CNTNAP2: variants seen among roughly 807,000 people sequenced by gnomAD.
The protein encoded by CNTNAP2 is contactin-associated protein-like 2.
CNTNAP2 carries 98 observed loss-of-function variants against 155.2 expected under a neutral mutation model. The ratio of observed to expected loss-of-function variants is 0.63; its 90% CI spans 0.54 to 0.75. CNTNAP2 has a LOEUF of 0.75. CNTNAP2 is among the 30% of genes least tolerant of loss of function. The probability of loss-of-function intolerance (pLI) is 0.00; values close to 1 mark genes in which losing one functional copy is unlikely to be tolerated. For synonymous variants in CNTNAP2, 651 were observed against 631.2 expected (o/e 1.03, Z -0.47); for missense variants, 1,727 against 1,688.1 (o/e 1.02, Z -0.40).
At chr7:146,373,353 A>G (rs1295342522) in intron 1 of CNTNAP2, among the ~76,000 whole-genome samples, 1 of 152,062 alleles carries the variant, frequency 6.6e-6, no homozygotes, top group Non-Finnish European at 1.5e-5. Flanking sequence ...ACCTTCAGAC[A>G]TATAAGGAGA....
intron 10 of CNTNAP2, among the ~76,000 whole-genome samples, chr7:147,435,952 TTTTCA>T: frequency 6.6e-6 from 1 of 152,216 alleles, no homozygotes. Flanking sequence ...GTGGTTTTGT[TTTTCA>T]TTTCTTTTAT....
rs571946085 is a variant in CNTNAP2, at chr7:146,817,066, A to G, written c.209-22645A>G. On this transcript the variant is annotated intron_variant, in intron 2 of 23. Coordinates refer to ENST00000361727, the MANE Select transcript of CNTNAP2 (RefSeq NM_014141.6). ...GAAAATAAATGGTTAGAGTTGATGG[A>G]CGACCAGGATAACACAGTGTCTCTG... 2.0e-5 allele frequency among the ~76,000 whole-genome samples: 3 copies of G among 152,332 alleles called. No individual in the cohort carries two copies. In the South Asian group the frequency reaches 6.2e-4, roughly 32 times the overall value.
chr7:147,731,854 C>A (rs1003677436), intron 13 of CNTNAP2, among the ~76,000 whole-genome samples: 1 of 151,954 alleles, frequency 6.6e-6, no homozygotes, highest in African/African-American at 2.4e-5. Flanking sequence ...TGATTCCAAC[C>A]CTTATGGATG....
intron 3 of CNTNAP2, among the ~76,000 whole-genome samples, chr7:146,842,389 T>C (rs751310260): frequency 6.6e-6 from 1 of 152,152 alleles, no homozygotes; most frequent in Non-Finnish European, 1.5e-5. Context: ...GTGTTTCTTA[T>C]TAAAAATCAG....
intron 4 of CNTNAP2, among the ~76,000 whole-genome samples, chr7:147,067,400 C>T (rs1427418643): frequency 6.6e-6 from 1 of 151,568 alleles, no homozygotes; most frequent in Non-Finnish European, 1.5e-5. Context: ...TATTGGGGGT[C>T]AGATTTCAAC....
chr7:146,223,391 A>G (rs1051965580), intron 1 of CNTNAP2, among the ~76,000 whole-genome samples: 1 of 152,242 alleles, frequency 6.6e-6, no homozygotes, highest in African/African-American at 2.4e-5. Flanking sequence ...GGTCAGATGC[A>G]GTAGCTCAAG....
At chr7:147,698,055 C>A (rs1363963332) in intron 13 of CNTNAP2, among the ~76,000 whole-genome samples, 1 of 152,088 alleles carries the variant, frequency 6.6e-6, no homozygotes, top group African/African-American at 2.4e-5. Flanking sequence ...AATGAGTTTT[C>A]TGCTCATGGA....
At chr7:147,166,628 G>T (rs1802119335) in intron 8 of CNTNAP2, among the ~76,000 whole-genome samples, 1 of 152,114 alleles carries the variant, frequency 6.6e-6, no homozygotes, top group South Asian at 2.1e-4. Context: ...ATTTCACCTG[G>T]GTGCAGGCGG....
At chr7:146,696,442 A>T (rs1800784227) in intron 1 of CNTNAP2, among the ~76,000 whole-genome samples, 3 of 152,166 alleles carry the variant, frequency 2.0e-5, no homozygotes, top group Admixed American at 2.0e-4. Context: ...TTAGAGGATT[A>T]ACAATTTTAT....
intron 1 of CNTNAP2, among the ~76,000 whole-genome samples, chr7:146,746,810 T>G (rs1035701624): frequency 6.6e-6 from 1 of 152,186 alleles, no homozygotes; most frequent in African/African-American, 2.4e-5. Context: ...TTCTGATATT[T>G]CAATGATAAA....
intron 1 of CNTNAP2, among the ~76,000 whole-genome samples, chr7:146,753,529 TG>T (rs1397554404): frequency 6.6e-6 from 1 of 152,078 alleles, no homozygotes. Context: ...ACAGAAATAT[TG>T]GAATGATTTG....
At chr7:148,010,699 A>G (rs1802064996) in intron 15 of CNTNAP2, among the ~76,000 whole-genome samples, 1 of 151,536 alleles carries the variant, frequency 6.6e-6, no homozygotes, top group Non-Finnish European at 1.5e-5. Context: ...TTTAGAGTCA[A>G]TTTAGGTTCA....
chr7:146,664,533 ATGT>A (rs1362857711), intron 1 of CNTNAP2, among the ~76,000 whole-genome samples: 4 of 152,080 alleles, frequency 2.6e-5, no homozygotes, highest in Admixed American at 6.6e-5. Context: ...GATACACTAA[ATGT>A]TTTATATATT....
chr7:147,792,102 C>T (rs927965214), intron 13 of CNTNAP2, among the ~76,000 whole-genome samples: 1 of 152,204 alleles, frequency 6.6e-6, no homozygotes, highest in African/African-American at 2.4e-5. Context: ...GCCCCTTCAC[C>T]TGCAGCCTTG....
intron 17 of CNTNAP2, among the ~76,000 whole-genome samples, chr7:148,165,493 C>CCA (rs1401895155): frequency 1.2e-4 from 18 of 152,302 alleles, no homozygotes; most frequent in African/African-American, 4.3e-4. Flanking sequence ...TTTATTCCAA[C>CCA]TATGTGCTTC....
At chr7:148,188,223 A>G (rs1326403351) in intron 18 of CNTNAP2, among the ~76,000 whole-genome samples, 3 of 152,206 alleles carry the variant, frequency 2.0e-5, no homozygotes, top group Non-Finnish European at 4.4e-5. Context: ...CTATTGTTCT[A>G]TTAGGCCATT....
chr7:147,623,109 C>A (rs536339711), intron 12 of CNTNAP2, among the ~76,000 whole-genome samples: 3 of 151,934 alleles, frequency 2.0e-5, no homozygotes, highest in South Asian at 4.1e-4. Context: ...GTAACAAGAT[C>A]GAAGCTATAA....
chr7:146,353,971 T>C (rs1308841268), intron 1 of CNTNAP2, among the ~76,000 whole-genome samples: 2 of 152,172 alleles, frequency 1.3e-5, no homozygotes, highest in Non-Finnish European at 2.9e-5. Flanking sequence ...AAATAGATAA[T>C]ATTTATTAAC....
chr7:146,141,189 C>T (rs1022161885), intron 1 of CNTNAP2, among the ~76,000 whole-genome samples: 1 of 152,142 alleles, frequency 6.6e-6, no homozygotes, highest in African/African-American at 2.4e-5. Context: ...GTCTAAGTGG[C>T]ACAAAGGGCA....
Sources: gnomAD v4.1 joint callset for allele counts (sites outside exome capture counted in the v4.1 genomes callset) on GRCh38, gnomAD v4.1.1 for gene constraint, MANE v1.5 for transcripts, NCBI Gene and HGNC (gene_info 2026-07-23, HGNC 2026-07-21) for gene names.